Variants in CDC42 observed in about 807,000 individuals in gnomAD.
CDC42 encodes cell division cycle 42.
Under a neutral mutation model 20.8 loss-of-function variants are expected in CDC42, and 1 was observed. The ratio of observed to expected loss-of-function variants is 0.05; its 90% confidence interval spans 0.02 to 0.23. The LOEUF (loss-of-function observed/expected upper bound fraction) is 0.23, where lower values mean the gene tolerates loss of function less well. CDC42 is among the 10% of genes least tolerant of loss of function. The probability of loss-of-function intolerance (pLI) is 1.00; values close to 1 mark genes in which losing one functional copy is unlikely to be tolerated. For synonymous variants in CDC42, 72 were observed against 84.8 expected, an observed-to-expected ratio of 0.85 and a Z score of 0.83; for missense variants, 49 against 227.9, an observed-to-expected ratio of 0.21 and a Z score of 5.05.
At chr1:22,084,780 C>CT (rs1355741773) in intron 3 of CDC42, among the ~76,000 whole-genome samples, 2 of 152,018 alleles carry the variant, frequency 1.3e-5, no homozygotes, top group East Asian at 3.9e-4. Flanking sequence ...AGTTTTAGGT[C>CT]TAACATTTAG....
rs546976690 is a variant in CDC42, at chr1:22,052,733, A to G, written c.-60A>G. On this transcript the variant is annotated 5_prime_UTR_variant, in exon 1 of 6. Transcript: ENST00000656825. ...CGCAGTGCTGCCAACGCCCCGGTGG[A>G]GAAGCTGAGGTGAGTGCGGGGCCCG... The G allele has an allele frequency of 1.5e-3, 237 of 152,950 alleles. 2 individuals are homozygous for G. Among genetic ancestry groups the G allele is most frequent in the Non-Finnish European group, 2.5e-3 (172 of 68,158 alleles). 9.5% of individuals were successfully genotyped at this position (152,950 alleles called of 1,614,324 possible). A position where few individuals can be genotyped will look rare whatever the true frequency, so the allele number is the denominator to read the frequency against.
chr1:22,079,529 A>T (rs1645587296), intron 2 of CDC42, among the ~76,000 whole-genome samples: 1 of 152,190 alleles, frequency 6.6e-6, no homozygotes, highest in African/African-American at 2.4e-5. Flanking sequence ...CAAGAGTTAG[A>T]GTAACACTCA....
chr1:22,090,078 C>G, intron 5 of CDC42: 5 of 1,602,560 alleles, frequency 3.1e-6, no homozygotes, highest in Non-Finnish European at 4.3e-6. Flanking sequence ...TGTCCCACTA[C>G]TGTAGAAAGA....
At chr1:22,069,032 T>C (rs910149154) in intron 1 of CDC42, among the ~76,000 whole-genome samples, 2 of 152,182 alleles carry the variant, frequency 1.3e-5, no homozygotes, top group South Asian at 4.1e-4. Flanking sequence ...TTGTGGGGTG[T>C]GCCTACGTAT....
Position 22,081,937 on chromosome 1 carries a change from C to G in CDC42, c.178+143C>G. 4.8e-6 allele frequency: 3 copies of G among 619,498 alleles called. No homozygotes were observed. In the South Asian group the frequency reaches 5.8e-5, roughly 12 times the overall value. The allele number at this position is 619,498 out of a possible 1,614,324, so 38.4% of individuals were successfully genotyped here. A position where few individuals can be genotyped will look rare whatever the true frequency, so the allele number is the denominator to read the frequency against. ...TAGCAGGATTGAATATAATGATTGT[C>G]GATGCTTGACCAAGGAGCAGTCCCA... On this transcript the variant is annotated intron_variant, in intron 3 of 5. Transcript: ENST00000656825.
intron 1 of CDC42, among the ~76,000 whole-genome samples, chr1:22,067,317 G>T (rs1382659111): frequency 6.6e-6 from 1 of 151,964 alleles, no homozygotes; most frequent in Non-Finnish European, 1.5e-5. Context: ...ATAGATGCTG[G>T]TTTTTTCTTT....
chr1:22,075,359 A>C (rs994218246), intron 1 of CDC42, among the ~76,000 whole-genome samples: 1 of 152,228 alleles, frequency 6.6e-6, no homozygotes, highest in Non-Finnish European at 1.5e-5. Context: ...AACAATTAGT[A>C]TAATCTTCCC....
chr1:22,083,431 C>T (rs950172959), intron 3 of CDC42, among the ~76,000 whole-genome samples: 1 of 151,544 alleles, frequency 6.6e-6, no homozygotes, highest in Admixed American at 6.6e-5. Flanking sequence ...GGTGAAACCC[C>T]ATCTCTACTA....
chr1:22,062,686 C>T (rs756521085), intron 1 of CDC42, among the ~76,000 whole-genome samples: 10 of 126,796 alleles, frequency 7.9e-5, no homozygotes, highest in South Asian at 2.5e-4. Context: ...CAGTTTGAGA[C>T]GAGCCTGGTA....
Position 22,091,553 on chromosome 1 carries a change from C to T in CDC42, c.*36C>T, listed in dbSNP as rs780795212. ...AGAGCCCTTTCTGCACAGCTGGTGT[C>T]GGCATCATACTAAAAGCAATGTTTA... On this transcript the variant is annotated 3_prime_UTR_variant, in exon 6 of 6. Coordinates refer to ENST00000656825, the MANE Select transcript of CDC42 (RefSeq NM_001791.4). 1.7e-5 allele frequency: 23 copies of T among 1,335,500 alleles called. No homozygotes were observed. The highest frequency in any genetic ancestry group is 2.5e-5 in the South Asian group (2 of 80,170). 82.7% of individuals were successfully genotyped at this position (1,335,500 alleles called of 1,614,324 possible).
At position 22,093,181 on chromosome 1, in the gene CDC42, A is replaced by G. The variant is rs939874037; in HGVS notation, c.*1664A>G. ...CCCTTAAATACCAAGTAGGTCCATA[A>G]TAATTCTTAGTGAAGCAGTGTTCAG... On this transcript the variant is annotated 3_prime_UTR_variant, in exon 6 of 6. Coordinates refer to ENST00000656825, the MANE Select transcript of CDC42 (RefSeq NM_001791.4). Among the ~76,000 whole-genome samples the G allele has an allele frequency of 6.6e-6, 1 of 152,148 alleles. No homozygotes were observed. The highest frequency in any genetic ancestry group is 1.5e-5 in the Non-Finnish European group (1 of 68,020).
At chr1:22,058,023 C>A (rs1344690378) in intron 1 of CDC42, among the ~76,000 whole-genome samples, 1 of 152,154 alleles carries the variant, frequency 6.6e-6, no homozygotes, top group Non-Finnish European at 1.5e-5. Flanking sequence ...CCGCTGCATT[C>A]CGGCCTCCTT....
At chr1:22,082,324 C>T (rs746010650) in intron 3 of CDC42, among the ~76,000 whole-genome samples, 4 of 152,166 alleles carry the variant, frequency 2.6e-5, no homozygotes, top group East Asian at 3.8e-4. Flanking sequence ...TAGTTTCTTA[C>T]GATAGATAGC....
At chr1:22,065,291 G>C (rs12037582) in intron 1 of CDC42, among the ~76,000 whole-genome samples, 7,345 of 152,262 alleles carry the variant, frequency 0.048, 286 homozygotes, top group East Asian at 0.19. Context: ...AAAATAGGGC[G>C]AGGTGGTTTA....
intron 1 of CDC42, among the ~76,000 whole-genome samples, chr1:22,066,871 T>G (rs1045441451): frequency 4.6e-5 from 7 of 152,118 alleles, no homozygotes; most frequent in African/African-American, 1.7e-4. Flanking sequence ...TGAGACCAGC[T>G]TGACCAACAT....
Position 22,095,847 on chromosome 1 carries a change from A to G in CDC42, c.*4330A>G, listed in dbSNP as rs1302158447. Reference sequence around the variant, plus strand: ...TGGACTTGCTTATGGTGGGCCAAAGAGGGGCAAGGGAAAGCGCATTTACAC... The same window carrying G: ...TGGACTTGCTTATGGTGGGCCAAAGGGGGGCAAGGGAAAGCGCATTTACAC... On this transcript the variant is annotated 3_prime_UTR_variant, in exon 6 of 6. Transcript: ENST00000656825. Among the ~76,000 whole-genome samples, 1 of 152,104 alleles carries G rather than the reference A, an allele frequency of 6.6e-6. No homozygotes were observed. Among genetic ancestry groups the G allele is most frequent in the Non-Finnish European group, 1.5e-5 (1 of 68,038 alleles).
intron 1 of CDC42, among the ~76,000 whole-genome samples, chr1:22,062,592 G>GT (rs993335045): frequency 7.9e-5 from 12 of 151,956 alleles, no homozygotes; most frequent in African/African-American, 2.7e-4. Context: ...GATCTTAAGA[G>GT]TTTTTTTCTG....
At chr1:22,068,125 A>G (rs114089904) in intron 1 of CDC42, among the ~76,000 whole-genome samples, 201 of 152,306 alleles carry the variant, frequency 1.3e-3, no homozygotes, top group African/African-American at 4.5e-3. Context: ...TTTGAAGATC[A>G]AGGGCTAAAA....
chr1:22,088,137 G>T (rs1267701192), intron 5 of CDC42, among the ~76,000 whole-genome samples: 2 of 152,112 alleles, frequency 1.3e-5, no homozygotes, highest in African/African-American at 4.8e-5. Flanking sequence ...AAAATGCCTG[G>T]TGCTTCTCTG....
Sources: gnomAD v4.1 joint callset for allele counts (sites outside exome capture counted in the v4.1 genomes callset) on GRCh38, gnomAD v4.1.1 for gene constraint, MANE v1.5 for transcripts, NCBI Gene and HGNC (gene_info 2026-07-23, HGNC 2026-07-21) for gene names.